FAM20C: variants seen among roughly 807,000 people sequenced by gnomAD.
The protein encoded by FAM20C is FAM20C golgi associated secretory pathway kinase.
FAM20C carries 40 observed loss-of-function variants against 51.5 expected under a neutral mutation model. That is an observed-to-expected ratio of 0.78 (90% CI 0.60 to 1.01). The LOEUF is 1.01. Ranked by LOEUF, FAM20C falls within the 50% of genes least tolerant of loss-of-function variation. FAM20C has a pLI of 0.00. For missense variants in FAM20C, 861 were observed against 844.7 expected (o/e 1.02, Z -0.24); for synonymous variants, 406 against 380.6 (o/e 1.07, Z -0.78).
At chr7:253,347 G>T (rs982668134) in intron 5 of FAM20C, among the ~76,000 whole-genome samples, 3 of 152,200 alleles carry the variant, frequency 2.0e-5, no homozygotes, top group African/African-American at 7.2e-5. Context: ...GCCGCAGGGT[G>T]AAGGAGCCAT....
At chr7:228,110 A>C in intron 3 of FAM20C, 1 of 254,488 alleles carries the variant, frequency 3.9e-6, no homozygotes, top group South Asian at 5.0e-5. Flanking sequence ...CTGATGGGGG[A>C]CGGCGGGCTC....
rs1220766523 is a variant in FAM20C, at chr7:255,937, G to A, written c.1161G>A (p.Ser387=). 8.5e-6 allele frequency: 13 copies of A among 1,536,166 alleles called. No homozygotes were observed. The highest frequency in any genetic ancestry group is 2.4e-5 in the East Asian group (1 of 40,910). ...LCGKPDQIEG[S]LAAFLPDLSL... ...GGAAGCCAGACCAGATCGAGGGCTC[G>A]CTGGCGGCCTTCCTGCCCGACCTGT... Residue 387 remains serine, a synonymous_variant, in exon 6 of 10, where the codon TCG becomes TCA. Transcript: ENST00000313766.
chr7:211,406 C>T (rs1031777911), intron 3 of FAM20C, among the ~76,000 whole-genome samples: 13 of 151,134 alleles, frequency 8.6e-5, no homozygotes, highest in Non-Finnish European at 1.5e-4. Context: ...CACCTCACCT[C>T]CTCCACCTCT....
chr7:204,311 G>C lies in FAM20C; in HGVS notation c.785-4587G>C, dbSNP rs1355223364. On this transcript the variant is annotated intron_variant, in intron 2 of 9. Coordinates refer to ENST00000313766, the MANE Select transcript of FAM20C (RefSeq NM_020223.4). Reference sequence around the variant, plus strand: ...CCTGAGGCTGGCGTTCAGGTTCTGTGCAGTGTTTTGGAGAGAAATGAGATT... The same window carrying C: ...CCTGAGGCTGGCGTTCAGGTTCTGTCCAGTGTTTTGGAGAGAAATGAGATT... Among the ~76,000 whole-genome samples, 49 of 152,378 alleles carry C rather than the reference G, an allele frequency of 3.2e-4. No homozygotes were observed. The Middle Eastern group carries it at 0.014, about 42-fold the overall frequency.
chr7:242,153 C>T (rs1266596554), intron 3 of FAM20C, among the ~76,000 whole-genome samples: 1 of 152,134 alleles, frequency 6.6e-6, no homozygotes, highest in Non-Finnish European at 1.5e-5. Flanking sequence ...CATCACCACA[C>T]GGTGAGCTCC....
At chr7:243,186 C>T (rs868027868) in intron 3 of FAM20C, among the ~76,000 whole-genome samples, 447 of 6,462 alleles carry the variant, frequency 0.069, 131 homozygotes, top group African/African-American at 0.37. Flanking sequence ...GAGACCTGTG[C>T]CACCCAAGAG....
intron 3 of FAM20C, among the ~76,000 whole-genome samples, chr7:222,882 G>GGC (rs59750458): frequency 0.87 from 132,666 of 151,920 alleles, 58,217 homozygotes; most frequent in South Asian, 0.92. Flanking sequence ...GTGCGTGTGT[G>GGC]ACGTGTACAT....
Position 259,794 on chromosome 7 carries a change from G to A in FAM20C, c.1569G>A (p.Leu523=). The A allele has an allele frequency of 6.5e-7, 1 of 1,536,720 alleles. No homozygotes were observed. ...CCAAGGAGGAGTACAAGCTGAGCCTGCTGATGGCCGAGTCTCTGCGGGGGG... is the reference window on the plus strand; with the variant it reads ...CCAAGGAGGAGTACAAGCTGAGCCTACTGATGGCCGAGTCTCTGCGGGGGG... ...LLAKEEYKLS[L]LMAESLRGDQ... The change falls in exon 10 of 10, where the codon CTG becomes CTA. Residue 523 remains leucine, a synonymous_variant. Transcript: ENST00000313766.
Position 247,741 on chromosome 7 carries a change from G to A in FAM20C, c.957-574G>A, listed in dbSNP as rs571547548. On this transcript the variant is annotated intron_variant, in intron 4 of 9. Coordinates refer to ENST00000313766, the MANE Select transcript of FAM20C (RefSeq NM_020223.4). Reference sequence around the variant, plus strand: ...TCGGGTCCACCTGTTTATAAAACAGGACACAGAGCCCAGCACCCAGGCGAG... The same window carrying A: ...TCGGGTCCACCTGTTTATAAAACAGAACACAGAGCCCAGCACCCAGGCGAG... Among the ~76,000 whole-genome samples, 10 of 152,316 alleles carry A rather than the reference G, an allele frequency of 6.6e-5. No individual in the cohort carries two copies. In the South Asian group the frequency reaches 2.1e-3, roughly 32 times the overall value.
chr7:256,759 C>T lies in FAM20C; in HGVS notation c.1359C>T (p.Leu453=). 3 of 1,536,048 alleles carry T rather than the reference C, an allele frequency of 2.0e-6. No homozygotes were observed. Among genetic ancestry groups the T allele is most frequent in the Non-Finnish European group, 2.6e-6 (3 of 1,146,752 alleles). Residue 453 remains leucine (L), a synonymous_variant, in exon 7 of 10, where the codon CTC becomes CTT. Coordinates refer to ENST00000313766, the MANE Select transcript of FAM20C (RefSeq NM_020223.4). ...TGGACATGACGATCTTCGACTTCCT[C>T]ATGGGTACGTCCCGCAGGGGCACGG... ...DVMDMTIFDF[L]MGNMDRHHYE... is the part of the protein sequence containing the mutation.
At chr7:227,152 A>C (rs2115108812) in intron 3 of FAM20C, among the ~76,000 whole-genome samples, 1 of 152,154 alleles carries the variant, frequency 6.6e-6, no homozygotes, top group Middle Eastern at 3.4e-3. Flanking sequence ...ATTCCCCAGA[A>C]CGGCAATATC....
At chr7:242,315 G>T (rs1205052827) in intron 3 of FAM20C, among the ~76,000 whole-genome samples, 2 of 152,228 alleles carry the variant, frequency 1.3e-5, no homozygotes, top group African/African-American at 4.8e-5. Flanking sequence ...CTGTCTGTGG[G>T]TCCGGGGACG....
intron 3 of FAM20C, among the ~76,000 whole-genome samples, chr7:237,470 G>T (rs1216358184): frequency 7.2e-5 from 11 of 152,208 alleles, no homozygotes; most frequent in Admixed American, 7.2e-4. Context: ...GATGGTGATT[G>T]TGATGATAGT....
At position 200,724 on chromosome 7, in the gene FAM20C, C is replaced by T. The variant is rs1200842952; in HGVS notation, c.784+4992C>T. Among the ~76,000 whole-genome samples the T allele has an allele frequency of 4.6e-5, 7 of 152,280 alleles. No individual in the cohort carries two copies. In the South Asian group the frequency reaches 6.2e-4, roughly 14 times the overall value. Reference sequence around the variant, plus strand: ...CAGTCTGGGGTGGAGGCGGTTCTGGCGAAAGTGTCCTGAGGGTGGTGTGTG... The same window carrying T: ...CAGTCTGGGGTGGAGGCGGTTCTGGTGAAAGTGTCCTGAGGGTGGTGTGTG... On this transcript the variant is annotated intron_variant, in intron 2 of 9. Transcript: ENST00000313766.
chr7:259,990 G>A lies in FAM20C; in HGVS notation c.*10G>A, dbSNP rs1377516826. ...CGCCTCGGCGAGGTAGTGTCCGCCGGCCGCTGCGCTGCCCGGGACGGAGAC... is the reference window on the plus strand; with the variant it reads ...CGCCTCGGCGAGGTAGTGTCCGCCGACCGCTGCGCTGCCCGGGACGGAGAC... On this transcript the variant is annotated 3_prime_UTR_variant, in exon 10 of 10. Coordinates refer to ENST00000313766, the MANE Select transcript of FAM20C (RefSeq NM_020223.4). The A allele has an allele frequency of 1.4e-5, 21 of 1,503,100 alleles. No individual in the cohort carries two copies. Among genetic ancestry groups the A allele is most frequent in the Non-Finnish European group, 1.9e-5 (21 of 1,123,224 alleles). 93.1% of individuals were successfully genotyped at this position (1,503,100 alleles called of 1,614,324 possible).
chr7:228,168 A>G, intron 3 of FAM20C: 1 of 317,150 alleles, frequency 3.2e-6, no homozygotes, highest in South Asian at 2.7e-5. Flanking sequence ...CCAGGGGGGA[A>G]AGCCATCCGC....
intron 3 of FAM20C, among the ~76,000 whole-genome samples, chr7:235,162 C>T (rs951889424): frequency 4.1e-5 from 4 of 96,618 alleles, no homozygotes; most frequent in Non-Finnish European, 1.1e-4. Context: ...GCCCAGGCTG[C>T]GGCATTTTCA....
Position 228,636 on chromosome 7 carries a change from C to T in FAM20C, c.864-17779C>T, listed in dbSNP as rs377534765. 5.9e-5 allele frequency: 27 copies of T among 456,284 alleles called. No individual in the cohort carries two copies. The East Asian group carries it at 8.3e-4, about 14-fold the overall frequency. 28.3% of individuals were successfully genotyped at this position (456,284 alleles called of 1,614,324 possible). On this transcript the variant is annotated intron_variant, in intron 3 of 9. Coordinates refer to ENST00000313766, the MANE Select transcript of FAM20C (RefSeq NM_020223.4). ...TGTGAGCCAGGGGAATGACCTGTCC[C>T]AACAAGAAGCTCAGGTTTGGACAAC...
chr7:240,471 G>T (rs1354939043), intron 3 of FAM20C, among the ~76,000 whole-genome samples: 2 of 151,862 alleles, frequency 1.3e-5, no homozygotes, highest in African/African-American at 4.8e-5. Flanking sequence ...TGATGACCAT[G>T]GTGGTGATGA....
Sources: allele counts gnomAD v4.1 joint callset (sites outside exome capture counted in the v4.1 genomes callset), GRCh38; gene constraint gnomAD v4.1.1; transcripts MANE v1.5; gene names NCBI Gene and HGNC (gene_info 2026-07-23, HGNC 2026-07-21).